HOXC4: variants seen among roughly 807,000 people sequenced by gnomAD.
HOXC4 encodes homeobox protein Hox-C4.
Under a neutral mutation model 25.5 loss-of-function variants are expected in HOXC4, and 15 were observed. That is an observed-to-expected ratio of 0.59 (90% confidence interval 0.39 to 0.91). HOXC4 has a LOEUF of 0.91. Among genes scored for constraint, HOXC4 ranks in the 40% least tolerant of loss-of-function variants. HOXC4 has a pLI of 0.00. For missense variants in HOXC4, 342 were observed against 352.4 expected (o/e 0.97, Z 0.24); for synonymous variants, 165 against 148.0 (o/e 1.11, Z -0.83).
At chr12:54,034,428 G>A (rs1340948936) in intron 1 of HOXC4, 1 of 1,614,146 alleles carries the variant, frequency 6.2e-7, no homozygotes, top group South Asian at 1.1e-5. Flanking sequence ...ATCAAGATCT[G>A]GTTCCAGAAC....
At chr12:54,043,515 C>T (rs1167191070) in intron 1 of HOXC4, among the ~76,000 whole-genome samples, 2 of 152,162 alleles carry the variant, frequency 1.3e-5, no homozygotes, top group Non-Finnish European at 2.9e-5. Context: ...CAGCATGGAA[C>T]CAACTTCCCA....
At chr12:54,018,706 T>C (rs917086742) in intron 1 of HOXC4, among the ~76,000 whole-genome samples, 1 of 152,122 alleles carries the variant, frequency 6.6e-6, no homozygotes, top group Non-Finnish European at 1.5e-5. Context: ...TTTCTGTTTA[T>C]AAACGGCGAC....
chr12:54,042,570 G>C (rs1244558539), intron 1 of HOXC4, among the ~76,000 whole-genome samples: 1 of 152,168 alleles, frequency 6.6e-6, no homozygotes, highest in Admixed American at 6.5e-5. Context: ...CTGAGTTTTT[G>C]AGAGGGGGAA....
At chr12:54,044,725 TTGTGTGTG>T (rs58933808) in intron 1 of HOXC4, among the ~76,000 whole-genome samples, 1 of 146,938 alleles carries the variant, frequency 6.8e-6, no homozygotes, top group Non-Finnish European at 1.5e-5. Flanking sequence ...GTGTGTGTGT[TTGTGTGTG>T]TGTGTGTGTG....
At chr12:54,016,902 C>A (rs1391305647), upstream of HOXC4, 1 of 152,220 alleles carries the variant, frequency 6.6e-6, no homozygotes, top group Non-Finnish European at 1.5e-5. Flanking sequence ...AACAGTCCTC[C>A]CTGTAAGAGC....
chr12:54,038,688 A>C (rs1941226221), intron 1 of HOXC4, among the ~76,000 whole-genome samples: 1 of 152,014 alleles, frequency 6.6e-6, no homozygotes, highest in South Asian at 2.1e-4. Context: ...CTCTCCTTCT[A>C]GCTGCTTGGG....
chr12:54,028,997 C>T, intron 1 of HOXC4: 1 of 1,423,738 alleles, frequency 7.0e-7, no homozygotes, highest in Non-Finnish European at 9.4e-7. Context: ...GAAGAACGGG[C>T]GGAGAGAGTT....
At chr12:54,023,618 C>A (rs888013070) in intron 1 of HOXC4, among the ~76,000 whole-genome samples, 1 of 152,166 alleles carries the variant, frequency 6.6e-6, no homozygotes, top group Non-Finnish European at 1.5e-5. Flanking sequence ...TTCCTCCTTT[C>A]CCCCTCCCTG....
In HOXC4 at chr12:54,055,280, A is replaced by G; in HGVS notation, c.*75A>G. 1 of 349,230 alleles carries G rather than the reference A, an allele frequency of 2.9e-6. No individual in the cohort carries two copies. The highest frequency in any genetic ancestry group is 4.4e-5 in the East Asian group (1 of 22,560). 21.6% of individuals were successfully genotyped at this position (349,230 alleles called of 1,614,324 possible). A position where few individuals can be genotyped will look rare whatever the true frequency, so the allele number is the denominator to read the frequency against. The stretch of plus-strand genomic sequence containing the variant: ...CACACAAATTGACTCTTATTTATAG[A>G]ATTTAATATATATATATATATATAT... On this transcript the variant is annotated 3_prime_UTR_variant, in exon 2 of 2. Coordinates refer to ENST00000430889, the MANE Select transcript of HOXC4 (RefSeq NM_153633.3).
intron 1 of HOXC4, chr12:54,034,377 G>T: frequency 6.2e-7 from 1 of 1,614,174 alleles, no homozygotes; most frequent in East Asian, 2.2e-5. Context: ...CGCCGCAGGC[G>T]CATAGAGATC....
At chr12:54,034,582 C>A in intron 1 of HOXC4, 3 of 1,126,870 alleles carry the variant, frequency 2.7e-6, no homozygotes, top group South Asian at 2.9e-5. Context: ...TATTTCGGGT[C>A]GGGGGCAGGT....
intron 1 of HOXC4, among the ~76,000 whole-genome samples, chr12:54,018,620 G>A (rs983789551): frequency 3.3e-5 from 5 of 152,234 alleles, no homozygotes; most frequent in African/African-American, 1.2e-4. Context: ...CCCTGAATGT[G>A]TTGCAGTTTG....
chr12:54,050,929 G>A (rs1937829731), upstream of HOXC4, among the ~76,000 whole-genome samples: 1 of 152,136 alleles, frequency 6.6e-6, no homozygotes. Context: ...ACCAAAGACA[G>A]ACTTGACATT....
intron 1 of HOXC4, among the ~76,000 whole-genome samples, chr12:54,045,945 A>G (rs982141808): frequency 2.6e-5 from 4 of 152,124 alleles, no homozygotes; most frequent in Non-Finnish European, 5.9e-5. Flanking sequence ...CAAGGTAGCC[A>G]CTAAAAAGAA....
chr12:54,054,968 G>C lies in HOXC4; in HGVS notation c.558G>C (p.Arg186Ser). The C allele has an allele frequency of 1.9e-6, 3 of 1,614,068 alleles. 1 individual carries two copies. The highest frequency in any genetic ancestry group is 2.5e-6 in the Non-Finnish European group (3 of 1,180,024). ...HYNRYLTRRR[R>S]IEIAHSLCLS... ...ACCGCTACCTGACCCGAAGGAGAAGGATCGAGATCGCCCACTCGCTGTGCC... is the reference window on the plus strand; with the variant it reads ...ACCGCTACCTGACCCGAAGGAGAAGCATCGAGATCGCCCACTCGCTGTGCC... Residue 186 changes from arginine to serine, a missense_variant, in exon 2 of 2, where the codon AGG becomes AGC. By Grantham distance (110) the Arg-to-Ser change is moderately radical (BLOSUM62 -1). Transcript: ENST00000430889.
At chr12:54,031,937 C>T (rs544182940) in intron 1 of HOXC4, among the ~76,000 whole-genome samples, 19 of 152,342 alleles carry the variant, frequency 1.2e-4, no homozygotes, top group Middle Eastern at 3.4e-3. Context: ...ATTCAGGTCC[C>T]TGGAAAGCCT....
chr12:54,028,265 A>ATTTT (rs1422671421), intron 1 of HOXC4: 1 of 71,346 alleles, frequency 1.4e-5, no homozygotes, highest in African/African-American at 4.9e-5. Context: ...ATATATATAT[A>ATTTT]TATTTTTTAA....
chr12:54,042,829 C>T (rs1941296214), intron 1 of HOXC4, among the ~76,000 whole-genome samples: 1 of 152,202 alleles, frequency 6.6e-6, no homozygotes, highest in African/African-American at 2.4e-5. Context: ...CTTTTATTGG[C>T]TCCTTGTGAC....
rs1940926416 is a variant in HOXC4 at position 54,030,119 on chromosome 12, T to C, written c.-124+12705T>C. On this transcript the variant is annotated intron_variant, in intron 1 of 3. Coordinates refer to the HOXC4 transcript ENST00000303406. ...CAAACGTGGACCTGAAAGTCAGCTC[T>C]GGACCCCCTCCCTCACCGCACAACT... 4.4e-6 allele frequency: 3 copies of C among 688,742 alleles called. No homozygotes were observed. The South Asian group carries it at 6.6e-5, about 15-fold the overall frequency. 42.7% of individuals were successfully genotyped at this position (688,742 alleles called of 1,614,324 possible).
Sources: allele counts gnomAD v4.1 joint callset (sites outside exome capture counted in the v4.1 genomes callset), GRCh38; gene constraint gnomAD v4.1.1; transcripts MANE v1.5; gene names NCBI Gene and HGNC (gene_info 2026-07-23, HGNC 2026-07-21).